The following ZC3H15 variants were observed in gnomAD, a reference collection of about 807,000 sequenced individuals.
The protein encoded by ZC3H15 is zinc finger CCCH-type containing 15.
Under a neutral mutation model 51.2 loss-of-function variants are expected in ZC3H15, and 15 were observed. That is an observed-to-expected ratio of 0.29 (90% confidence interval 0.20 to 0.45). The LOEUF is 0.45. Among genes scored for constraint, ZC3H15 ranks in the 20% least tolerant of loss-of-function variants. The pLI, the probability that ZC3H15 is intolerant of heterozygous loss-of-function variation, is 1.00. For missense variants in ZC3H15, 381 were observed against 494.7 expected, an observed-to-expected ratio of 0.77 and a Z score of 2.18; for synonymous variants, 144 against 162.8, an observed-to-expected ratio of 0.88 and a Z score of 0.88.
In ZC3H15 at chr2:186,508,686, T is replaced by A. The variant is rs372792503; in HGVS notation, c.1234T>A (p.Leu412Met). The change falls in exon 10 of 10, where the codon TTG (leucine) becomes ATG (methionine). Residue 412 changes from leucine to methionine, a missense_variant. Physicochemically the swap from Leu to Met is conservative, Grantham distance 15 (BLOSUM62 2). Coordinates refer to ENST00000337859, the MANE Select transcript of ZC3H15 (RefSeq NM_018471.3). Reference sequence around the variant, plus strand: ...TGAAAATCTTTTCACTGGAGAGGATTTGGATGAACTAGAAGAAGAATTAAA... The same window carrying A: ...TGAAAATCTTTTCACTGGAGAGGATATGGATGAACTAGAAGAAGAATTAAA... ...VDENLFTGED[L>M]DELEEELNTL... 2.9e-5 allele frequency: 46 copies of A among 1,613,904 alleles called. No homozygotes were observed. The African/African-American group carries it at 5.7e-4, about 20-fold the overall frequency.
intron 1 of ZC3H15, among the ~76,000 whole-genome samples, chr2:186,493,008 T>C (rs930812233): frequency 1.6e-4 from 24 of 152,208 alleles, no homozygotes; most frequent in African/African-American, 5.5e-4. Context: ...CATATGAAGA[T>C]TGGCAGTAGA....
At chr2:186,500,613 C>T (rs184048232) in intron 3 of ZC3H15, 2 of 505,644 alleles carry the variant, frequency 4.0e-6, no homozygotes, top group Middle Eastern at 3.0e-4. Context: ...ACTGTACGTC[C>T]CAAGTTTTTG....
chr2:186,486,543 C>G, intron 1 of ZC3H15, 86 bp downstream of exon 1: 1 of 1,416,062 alleles, frequency 7.1e-7, no homozygotes, highest in Non-Finnish European at 9.5e-7. Context: ...AGCCGGCTCG[C>G]TTCCTCGGGC....
chr2:186,503,628 G>A (rs547960828), intron 5 of ZC3H15, among the ~76,000 whole-genome samples: 53 of 152,130 alleles, frequency 3.5e-4, no homozygotes, highest in Non-Finnish European at 6.3e-4. Flanking sequence ...TGATCCGCCC[G>A]CCTCGGCCTC....
At chr2:186,504,353 T>G in intron 6 of ZC3H15, 139 bp downstream of exon 6, 1 of 667,916 alleles carries the variant, frequency 1.5e-6, no homozygotes, top group Non-Finnish European at 2.3e-6. Context: ...TGCCCTACTT[T>G]AATTATTCTT....
At chr2:186,495,824 A>G (rs928100933) in intron 2 of ZC3H15, among the ~76,000 whole-genome samples, 1 of 152,220 alleles carries the variant, frequency 6.6e-6, no homozygotes. Context: ...AATAGATACT[A>G]AAGTTCTTTT....
chr2:186,504,634 CTG>C (rs1211258053), intron 6 of ZC3H15, among the ~76,000 whole-genome samples: 3 of 152,138 alleles, frequency 2.0e-5, no homozygotes, highest in Admixed American at 1.3e-4. Flanking sequence ...TTTATCAGCT[CTG>C]GACTCAAAAC....
At chr2:186,500,437 T>G in intron 3 of ZC3H15, 144 bp downstream of exon 3, 1 of 749,318 alleles carries the variant, frequency 1.3e-6, no homozygotes, top group South Asian at 1.8e-5. Flanking sequence ...CCTATGTCAG[T>G]GGGTTGCTTA....
chr2:186,492,872 T>G (rs2105586471), intron 1 of ZC3H15, among the ~76,000 whole-genome samples: 1 of 152,310 alleles, frequency 6.6e-6, no homozygotes, highest in Non-Finnish European at 1.5e-5. Context: ...TCAGAGGGTC[T>G]CAAATTACTT....
At chr2:186,506,952 G>A (rs1685477935) in intron 9 of ZC3H15, 116 bp downstream of exon 9, 3 of 1,142,910 alleles carry the variant, frequency 2.6e-6, no homozygotes, top group Non-Finnish European at 3.6e-6. Flanking sequence ...ATAAATGTGT[G>A]GTTTGACCAT....
chr2:186,487,545 A>G (rs1453633095), intron 1 of ZC3H15, among the ~76,000 whole-genome samples: 1 of 152,250 alleles, frequency 6.6e-6, no homozygotes. Context: ...TTGGAGGAGA[A>G]CTGGTATTCT....
chr2:186,497,577 C>T (rs1008428454), intron 2 of ZC3H15, among the ~76,000 whole-genome samples: 3 of 152,068 alleles, frequency 2.0e-5, no homozygotes, highest in African/African-American at 4.8e-5. Context: ...TGCAGTTATT[C>T]TTTGTTGGAT....
chr2:186,505,916 G>C (rs757699385), intron 8 of ZC3H15, 75 bp downstream of exon 8: 39 of 1,481,928 alleles, frequency 2.6e-5, no homozygotes, highest in Non-Finnish European at 3.5e-5. Flanking sequence ...ACATGGTTAA[G>C]AGCCACCAAC....
chr2:186,502,706 T>C, intron 5 of ZC3H15, 119 bp downstream of exon 5: 1 of 807,588 alleles, frequency 1.2e-6, no homozygotes, highest in South Asian at 2.0e-5. Flanking sequence ...AAATTTGATT[T>C]CATCAAGATA....
intron 3 of ZC3H15, 102 bp downstream of exon 3, chr2:186,500,395 G>A (rs1039677271): frequency 1.8e-5 from 18 of 1,020,928 alleles, no homozygotes; most frequent in Admixed American, 2.6e-5. Context: ...AGACAGTTAT[G>A]TCTGAATGAA....
chr2:186,506,032 A>C, intron 8 of ZC3H15, 191 bp downstream of exon 8: 1 of 691,642 alleles, frequency 1.4e-6, no homozygotes, highest in Non-Finnish European at 2.6e-6. Flanking sequence ...TCTACATCAT[A>C]GTTTGTGAGA....
intron 1 of ZC3H15, among the ~76,000 whole-genome samples, 155 bp downstream of exon 1, chr2:186,486,612 G>A (rs999929659): frequency 7.2e-5 from 6 of 82,888 alleles, no homozygotes. Flanking sequence ...CCCTGATGAC[G>A]CTAGCTCTCT....
rs1161848407 is a variant in ZC3H15, at chr2:186,505,782, A to G, written c.907A>G (p.Asn303Asp). 4 of 1,613,974 alleles carry G rather than the reference A, an allele frequency of 2.5e-6. No homozygotes were observed. In the African/African-American group the frequency reaches 4.0e-5, roughly 16 times the overall value. ...EVFEFRPELV[N>D]DDDEEADDTR... ...GTTTGAATTTCGTCCTGAACTGGTCAATGATGATGATGAGGAAGCAGATGA... is the reference window on the plus strand; with the variant it reads ...GTTTGAATTTCGTCCTGAACTGGTCGATGATGATGATGAGGAAGCAGATGA... Residue 303 changes from asparagine (N) to aspartate (D), a missense_variant, in exon 8 of 10, where the codon AAT (asparagine) becomes GAT (aspartate). Coordinates refer to ENST00000337859, the MANE Select transcript of ZC3H15 (RefSeq NM_018471.3).
chr2:186,508,462 TATCAGTCTA>T, intron 9 of ZC3H15, 72 bp from the exon 10 acceptor site: 1 of 1,202,544 alleles, frequency 8.3e-7, no homozygotes, highest in Non-Finnish European at 1.2e-6. Flanking sequence ...GGAAGTGTAG[TATCAGTCTA>T]TGTTGTCTAT....
Sources: allele counts gnomAD v4.1 joint callset (sites outside exome capture counted in the v4.1 genomes callset), GRCh38; gene constraint gnomAD v4.1.1; transcripts MANE v1.5; gene names NCBI Gene and HGNC (gene_info 2026-07-23, HGNC 2026-07-21).